Variants in MAF observed in about 807,000 individuals in gnomAD.
MAF encodes MAF bZIP transcription factor.
In MAF, 10 loss-of-function variants were observed where a neutral mutation model predicts 22.0. The observed-to-expected ratio is 0.45, with a 90% CI of 0.28 to 0.77. The LOEUF (loss-of-function observed/expected upper bound fraction) is 0.77, where lower values mean the gene tolerates loss of function less well. Among genes scored for constraint, MAF ranks in the 30% least tolerant of loss-of-function variants. The pLI is 0.12. For missense variants in MAF, 544 were observed against 548.4 expected (o/e 0.99, Z 0.08); for synonymous variants, 337 against 255.8 (o/e 1.32, Z -3.03).
chr16:79,400,827 G>T, the MAF span, among the ~76,000 whole-genome samples: 7 of 152,238 alleles, frequency 4.6e-5, no homozygotes, highest in Non-Finnish European at 1.0e-4. Context: ...TCAACCTTTT[G>T]TTATTGGGAA....
the MAF span, among the ~76,000 whole-genome samples, chr16:79,387,490 A>G: frequency 6.6e-6 from 1 of 152,282 alleles, no homozygotes; most frequent in East Asian, 1.9e-4. Flanking sequence ...TCATCTTGGT[A>G]TTACTCTAAG....
the MAF span, among the ~76,000 whole-genome samples, chr16:79,347,820 G>T: frequency 2.0e-5 from 3 of 152,198 alleles, no homozygotes; most frequent in Non-Finnish European, 4.4e-5. Context: ...CCAGAGGTCA[G>T]ACTCAGGAAC....
chr16:79,303,166 C>A, the MAF span, among the ~76,000 whole-genome samples: 1 of 152,140 alleles, frequency 6.6e-6, no homozygotes, highest in African/African-American at 2.4e-5. Flanking sequence ...TGGAGGAAGG[C>A]TGATGTTCTA....
the MAF span, among the ~76,000 whole-genome samples, chr16:79,444,956 A>G: frequency 6.6e-6 from 1 of 152,224 alleles, no homozygotes; most frequent in Non-Finnish European, 1.5e-5. Flanking sequence ...CGTGTATGTG[A>G]GAGTGGAGTT....
At chr16:79,470,373 A>C in the MAF span, among the ~76,000 whole-genome samples, 1 of 152,156 alleles carries the variant, frequency 6.6e-6, no homozygotes. Flanking sequence ...CCAGGGGCTC[A>C]GCTCAGAGGG....
the MAF span, among the ~76,000 whole-genome samples, chr16:79,355,754 G>C: frequency 6.6e-6 from 1 of 152,170 alleles, no homozygotes; most frequent in African/African-American, 2.4e-5. Flanking sequence ...GGGAGAGATA[G>C]GAACAGATCA....
At chr16:79,214,901 G>T in the MAF span, among the ~76,000 whole-genome samples, 1 of 150,790 alleles carries the variant, frequency 6.6e-6, no homozygotes, top group Non-Finnish European at 1.5e-5. Context: ...AGTCGAGATG[G>T]GTTTGACCAT....
chr16:79,561,537 A>G, the MAF span, among the ~76,000 whole-genome samples: 1 of 150,194 alleles, frequency 6.7e-6, no homozygotes, highest in Non-Finnish European at 1.5e-5. Context: ...TCATTGTTAA[A>G]TTCCCACCTA....
chr16:79,449,011 C>T, the MAF span, among the ~76,000 whole-genome samples: 5 of 151,980 alleles, frequency 3.3e-5, no homozygotes, highest in Non-Finnish European at 7.4e-5. Flanking sequence ...CACTGGGAAC[C>T]CCGAGATTGT....
At chr16:79,428,778 G>A in the MAF span, among the ~76,000 whole-genome samples, 1 of 151,972 alleles carries the variant, frequency 6.6e-6, no homozygotes, top group South Asian at 2.1e-4. Flanking sequence ...CCAGGAGGTC[G>A]AGGCTGCAGT....
chr16:79,540,406 C>T, the MAF span, among the ~76,000 whole-genome samples: 11 of 152,130 alleles, frequency 7.2e-5, no homozygotes, highest in African/African-American at 1.9e-4. Context: ...CTGATTCCAA[C>T]GCTTCAACCA....
At chr16:79,336,469 G>T in the MAF span, among the ~76,000 whole-genome samples, 8 of 152,310 alleles carry the variant, frequency 5.3e-5, no homozygotes, top group Non-Finnish European at 1.2e-4. Context: ...CAGGGATGCT[G>T]GGAGGAAAAC....
chr16:79,210,575 C>T, the MAF span, among the ~76,000 whole-genome samples: 2 of 152,192 alleles, frequency 1.3e-5, no homozygotes, highest in African/African-American at 4.8e-5. Context: ...CCCTCTCCCT[C>T]TCATCAGCTG....
At chr16:79,506,006 AG>A in the MAF span, among the ~76,000 whole-genome samples, 1 of 151,972 alleles carries the variant, frequency 6.6e-6, no homozygotes, top group East Asian at 1.9e-4. Context: ...AAAGGAGAAA[AG>A]GAGGAAAGAG....
the MAF span, among the ~76,000 whole-genome samples, chr16:79,272,612 G>C: frequency 6.6e-6 from 1 of 152,214 alleles, no homozygotes; most frequent in Non-Finnish European, 1.5e-5. Flanking sequence ...GTTTGGCACA[G>C]ACCTGGGAAG....
At chr16:79,493,370 T>C in the MAF span, among the ~76,000 whole-genome samples, 3 of 152,176 alleles carry the variant, frequency 2.0e-5, no homozygotes, top group East Asian at 5.8e-4. Flanking sequence ...TTAGTAGAGA[T>C]GGGGTTTCAC....
At chr16:79,502,716 T>TAAATATATATATATATAA in the MAF span, among the ~76,000 whole-genome samples, 1 of 20,566 alleles carries the variant, frequency 4.9e-5, no homozygotes, top group African/African-American at 1.4e-4. Flanking sequence ...TAAATATATA[T>TAAATATATATATATATAA]ATATATATAT....
the MAF span, among the ~76,000 whole-genome samples, chr16:79,211,034 A>AGTGTGTGT: frequency 0.2 from 29,532 of 149,520 alleles, 3,287 homozygotes; most frequent in East Asian, 0.43. Flanking sequence ...TATGGTGAGG[A>AGTGTGTGT]GTGTGTGTGT....
At chr16:79,570,746 T>C in the MAF span, among the ~76,000 whole-genome samples, 4 of 152,268 alleles carry the variant, frequency 2.6e-5, no homozygotes, top group East Asian at 7.7e-4. Flanking sequence ...AGTCCCCAGA[T>C]GTGGAATTGA....
Sources: gnomAD v4.1 joint callset for allele counts (sites outside exome capture counted in the v4.1 genomes callset) on GRCh38, gnomAD v4.1.1 for gene constraint, MANE v1.5 for transcripts, NCBI Gene and HGNC (gene_info 2026-07-23, HGNC 2026-07-21) for gene names.